The following LGSN variants were observed in gnomAD, a reference collection of about 807,000 sequenced individuals.
LGSN encodes the protein lengsin, lens protein with glutamine synthetase domain, also known as lengsin.
LGSN carries 21 observed loss-of-function variants against 19.5 expected under a neutral mutation model. The observed-to-expected ratio is 1.07, with a 90% CI of 0.76 to 1.55. The LOEUF (loss-of-function observed/expected upper bound fraction) is 1.55. Among genes scored for constraint, LGSN ranks in the 40% most tolerant of loss-of-function variants. The pLI, the probability that LGSN is intolerant of heterozygous loss-of-function variation, is 0.00. For missense variants in LGSN, 673 were observed against 608.5 expected (o/e 1.11, Z -1.12); for synonymous variants, 257 against 215.6 (o/e 1.19, Z -1.68).
At chr6:63,347,642 A>T in the LGSN span, among the ~76,000 whole-genome samples, 116,020 of 152,180 alleles carry the variant, frequency 0.76, 45,202 homozygotes, top group African/African-American at 0.92. Flanking sequence ...TAAGATAAGG[A>T]ACTGCTTATC....
chr6:63,412,942 G>A, the LGSN span, among the ~76,000 whole-genome samples: 3 of 150,440 alleles, frequency 2.0e-5, no homozygotes, highest in African/African-American at 7.3e-5. Flanking sequence ...AAGAAAGGAA[G>A]AGAGAAGGAA....
chr6:63,323,603 CACAG>C (rs1384967500), upstream of LGSN, among the ~76,000 whole-genome samples: 2 of 144,812 alleles, frequency 1.4e-5, no homozygotes, highest in African/African-American at 5.2e-5. Flanking sequence ...CACACACACA[CACAG>C]GTTATGTTAA....
chr6:63,311,518 A>G (rs1717752592), intron 1 of LGSN, among the ~76,000 whole-genome samples: 2 of 152,174 alleles, frequency 1.3e-5, no homozygotes, highest in Admixed American at 1.3e-4. Flanking sequence ...TGTCCCCACA[A>G]ACTTTTTATA....
the LGSN span, among the ~76,000 whole-genome samples, chr6:63,432,931 T>C: frequency 6.6e-6 from 1 of 152,068 alleles, no homozygotes; most frequent in Non-Finnish European, 1.5e-5. Flanking sequence ...TGGAGACAGG[T>C]ACTTACATTT....
the LGSN span, among the ~76,000 whole-genome samples, chr6:63,416,241 G>A: frequency 2.0e-5 from 3 of 151,192 alleles, no homozygotes; most frequent in Admixed American, 2.0e-4. Flanking sequence ...CTAAGACAAA[G>A]AATCTTCTGC....
At chr6:63,330,379 T>C in the LGSN span, among the ~76,000 whole-genome samples, 4 of 152,202 alleles carry the variant, frequency 2.6e-5, no homozygotes, top group South Asian at 2.1e-4. Flanking sequence ...GTCCCTATTA[T>C]AGAACACTGA....
At chr6:63,377,642 G>A in the LGSN span, among the ~76,000 whole-genome samples, 1 of 152,126 alleles carries the variant, frequency 6.6e-6, no homozygotes, top group Admixed American at 6.5e-5. Context: ...GCCAGGCACG[G>A]TGGCTCACAC....
intron 1 of LGSN, among the ~76,000 whole-genome samples, chr6:63,298,383 G>A (rs1768060186): frequency 6.6e-6 from 1 of 152,164 alleles, no homozygotes; most frequent in Non-Finnish European, 1.5e-5. Context: ...TAACTAATTG[G>A]ATTATATCCA....
chr6:63,495,469 T>TTTTTTTTTTTTTTTTTTTTTTG, the LGSN span, among the ~76,000 whole-genome samples: 149 of 119,290 alleles, frequency 1.2e-3, 2 homozygotes, highest in Non-Finnish European at 1.4e-3. Context: ...TTTTTTTTTT[T>TTTTTTTTTTTTTTTTTTTTTTG]TTTTTTTGAG....
intron 1 of LGSN, among the ~76,000 whole-genome samples, chr6:63,302,158 A>C (rs1190485899): frequency 6.6e-6 from 1 of 152,190 alleles, no homozygotes; most frequent in African/African-American, 2.4e-5. Flanking sequence ...TTTTATGAAT[A>C]TATTATGAAT....
At chr6:63,396,100 A>T in the LGSN span, 1 of 155,094 alleles carries the variant, frequency 6.4e-6, no homozygotes, top group Admixed American at 6.5e-5. Flanking sequence ...GCAGGCAGGG[A>T]CAGGGGCTGA....
chr6:63,500,155 A>T, the LGSN span, among the ~76,000 whole-genome samples: 4 of 152,150 alleles, frequency 2.6e-5, no homozygotes. Context: ...AATTTTTCTC[A>T]TAAGTGTTAA....
the LGSN span, among the ~76,000 whole-genome samples, chr6:63,527,617 A>G: frequency 6.6e-6 from 1 of 152,118 alleles, no homozygotes; most frequent in East Asian, 1.9e-4. Context: ...TTCGGTGACA[A>G]CTCTTCCATT....
chr6:63,407,398 C>T, the LGSN span, among the ~76,000 whole-genome samples: 1 of 152,130 alleles, frequency 6.6e-6, no homozygotes, highest in Non-Finnish European at 1.5e-5. Context: ...TAAATATAAT[C>T]CAGCATATAA....
At chr6:63,534,880 T>G in the LGSN span, among the ~76,000 whole-genome samples, 3 of 142,842 alleles carry the variant, frequency 2.1e-5, no homozygotes, top group Non-Finnish European at 4.6e-5. Flanking sequence ...AATTTCAACA[T>G]GGTGAAATTT....
chr6:63,530,272 A>C, the LGSN span, among the ~76,000 whole-genome samples: 1 of 152,342 alleles, frequency 6.6e-6, no homozygotes, highest in African/African-American at 2.4e-5. Context: ...GAAAAGGCAT[A>C]GATGTAACCT....
At chr6:63,516,432 T>G in the LGSN span, among the ~76,000 whole-genome samples, 1 of 152,198 alleles carries the variant, frequency 6.6e-6, no homozygotes, top group Non-Finnish European at 1.5e-5. Context: ...AAACAACTGT[T>G]TTACGGTAGA....
chr6:63,526,676 C>T, the LGSN span, among the ~76,000 whole-genome samples: 44 of 150,992 alleles, frequency 2.9e-4, 1 homozygote, highest in South Asian at 6.5e-3. Context: ...GACGTGGTGG[C>T]GTGTGCCTGT....
At chr6:63,412,713 AG>A in the LGSN span, among the ~76,000 whole-genome samples, 2 of 93,126 alleles carry the variant, frequency 2.1e-5, no homozygotes, top group African/African-American at 1.3e-4. Context: ...GAAAGAGGGA[AG>A]GAAGGAAAGA....
Sources: gnomAD v4.1 joint callset for allele counts (sites outside exome capture counted in the v4.1 genomes callset) on GRCh38, gnomAD v4.1.1 for gene constraint, MANE v1.5 for transcripts, NCBI Gene and HGNC (gene_info 2026-07-23, HGNC 2026-07-21) for gene names.